The following TMEM178B variants were observed in gnomAD, a reference collection of about 807,000 sequenced individuals.
The protein encoded by TMEM178B is transmembrane protein 178B.
TMEM178B carries 5 observed loss-of-function variants against 31.0 expected under a neutral mutation model. The ratio of observed to expected loss-of-function variants is 0.16; its 90% CI spans 0.08 to 0.34. The LOEUF is 0.34. Ranked by LOEUF, TMEM178B falls within the 10% of genes least tolerant of loss-of-function variation. The pLI is 1.00. For synonymous variants in TMEM178B, 164 were observed against 164.0 expected, an observed-to-expected ratio of 1.00 and a Z score of 0.00; for missense variants, 275 against 400.3, an observed-to-expected ratio of 0.69 and a Z score of 2.67.
chr7:141,479,084 C>T lies in TMEM178B; in HGVS notation c.*8298C>T, dbSNP rs1450578833. The T allele has an allele frequency of 6.6e-6, 1 of 152,236 alleles. No homozygotes were observed. The highest frequency in any genetic ancestry group is 2.4e-5 in the African/African-American group (1 of 41,440). The allele number at this position is 152,236 out of a possible 1,614,324, so 9.4% of individuals were successfully genotyped here. On this transcript the variant is annotated 3_prime_UTR_variant, in exon 4 of 4. Transcript: ENST00000565468. ...CTGCCCCAGTCATGTCCCTTATGAC[C>T]TGTCCAAGTCCTAGAGGCCAAAGCA... is the stretch of plus-strand genomic sequence containing the variant.
At chr7:141,114,633 G>A (rs994706912) in intron 1 of TMEM178B, among the ~76,000 whole-genome samples, 16 of 152,208 alleles carry the variant, frequency 1.1e-4, no homozygotes, top group African/African-American at 3.6e-4. Flanking sequence ...TCTTTCCAAA[G>A]TCTCCATGGG....
intron 3 of TMEM178B, among the ~76,000 whole-genome samples, chr7:141,449,287 G>C (rs1205835647): frequency 1.3e-5 from 2 of 152,082 alleles, no homozygotes; most frequent in African/African-American, 4.8e-5. Flanking sequence ...GCTGTTCCCA[G>C]GAAACAAGAG....
chr7:141,375,322 T>C (rs1348935687), intron 2 of TMEM178B, among the ~76,000 whole-genome samples: 2 of 152,238 alleles, frequency 1.3e-5, no homozygotes, highest in Non-Finnish European at 2.9e-5. Context: ...GTCCCCATCA[T>C]TTCAGGGTCA....
intron 2 of TMEM178B, among the ~76,000 whole-genome samples, chr7:141,249,311 C>T (rs1472796163): frequency 6.6e-6 from 1 of 152,170 alleles, no homozygotes; most frequent in Non-Finnish European, 1.5e-5. Flanking sequence ...TTGCCTGCTG[C>T]CATGTAAGAT....
chr7:141,076,873 T>C (rs1794608509), intron 1 of TMEM178B, among the ~76,000 whole-genome samples: 1 of 152,218 alleles, frequency 6.6e-6, no homozygotes, highest in Non-Finnish European at 1.5e-5. Context: ...CCGCTTACCA[T>C]GGCTGTTTCT....
intron 1 of TMEM178B, among the ~76,000 whole-genome samples, chr7:141,116,655 A>G (rs776831395): frequency 6.6e-6 from 1 of 151,870 alleles, no homozygotes; most frequent in Non-Finnish European, 1.5e-5. Flanking sequence ...TCCTAATGCT[A>G]TCCCTCCCCT....
chr7:141,393,546 C>T (rs1432415613), intron 2 of TMEM178B, among the ~76,000 whole-genome samples: 1 of 152,154 alleles, frequency 6.6e-6, no homozygotes, highest in Admixed American at 6.5e-5. Flanking sequence ...TTCTGGACAC[C>T]ATGAGATCAG....
intron 3 of TMEM178B, among the ~76,000 whole-genome samples, chr7:141,464,557 T>G (rs895346408): frequency 1.3e-5 from 2 of 152,216 alleles, no homozygotes; most frequent in Non-Finnish European, 2.9e-5. Context: ...TATTTTAGAT[T>G]CATTAAAGAT....
rs751441083 is a variant in TMEM178B, at chr7:141,135,666, GA to G, written c.382+60980del. Among the ~76,000 whole-genome samples the G allele has an allele frequency of 5.0e-4, 76 of 151,984 alleles. 1 individual carries two copies. Among genetic ancestry groups the G allele is most frequent in the South Asian group, 2.1e-4 (1 of 4,822 alleles). ...GTGAAGATCTTAAGAAGGAAGTTAA[GA>G]AAAAATCTTGAAACAAATGAAAATT... On this transcript the variant is annotated intron_variant, in intron 1 of 3. Transcript: ENST00000565468.
chr7:141,171,613 C>T lies in TMEM178B; in HGVS notation c.383-40978C>T, dbSNP rs1397449450. Among the ~76,000 whole-genome samples the T allele has an allele frequency of 6.6e-6, 1 of 152,206 alleles. No individual in the cohort carries two copies. Among genetic ancestry groups the T allele is most frequent in the African/African-American group, 2.4e-5 (1 of 41,458 alleles). On this transcript the variant is annotated intron_variant, in intron 1 of 3. Transcript: ENST00000565468. This position sits in a 1 kb window ranked among gnomAD's most constrained non-coding sequence, Gnocchi z 4.3. ...CACCTTGCCAGGCCTCGGTCTCCCG[C>T]ATGACACTGTCTTCTGAGTGATGCA...
chr7:141,457,084 C>T (rs528423454), intron 3 of TMEM178B, among the ~76,000 whole-genome samples: 8 of 152,208 alleles, frequency 5.3e-5, no homozygotes, highest in East Asian at 1.9e-4. Flanking sequence ...TTTCATTTCA[C>T]GGGGAGCATG....
At chr7:141,335,533 A>G (rs1222056567) in intron 2 of TMEM178B, among the ~76,000 whole-genome samples, 2 of 152,186 alleles carry the variant, frequency 1.3e-5, no homozygotes, top group African/African-American at 4.8e-5. Flanking sequence ...CCAAGGCAAC[A>G]GCTGAGAGGA....
At chr7:141,407,781 A>G (rs889872722) in intron 2 of TMEM178B, among the ~76,000 whole-genome samples, 7 of 152,224 alleles carry the variant, frequency 4.6e-5, no homozygotes, top group African/African-American at 1.7e-4. Context: ...ATGTCTTTTT[A>G]TAGCATTTGT....
At chr7:141,187,140 G>A (rs1796623170) in intron 1 of TMEM178B, among the ~76,000 whole-genome samples, 1 of 126,846 alleles carries the variant, frequency 7.9e-6, no homozygotes, top group South Asian at 2.5e-4. Flanking sequence ...CCCTTCCTGT[G>A]TCCATGTGTT....
At position 141,215,777 on chromosome 7, in the gene TMEM178B, C is replaced by CCTTCCTTCCTTTCTTT. The variant is rs1479407874; in HGVS notation, c.496+3076_496+3077insCCTTCCTTTCTTTCTT. On this transcript the variant is annotated intron_variant, in intron 2 of 3. Transcript: ENST00000565468. ...TGGTTAAATTTGAATTATATACTTT[C>CCTTCCTTCCTTTCTTT]CTTTCTTTCTTTCTTTCTTTCTTTC... Among the ~76,000 whole-genome samples, 7 of 112,130 alleles carry CCTTCCTTCCTTTCTTT rather than the reference C, an allele frequency of 6.2e-5. No homozygotes were observed. In the East Asian group the frequency reaches 2.1e-3, roughly 34 times the overall value. 73.6% of individuals were successfully genotyped at this position (112,130 alleles called of 152,430 possible).
At chr7:141,211,486 G>T (rs983385911) in intron 1 of TMEM178B, among the ~76,000 whole-genome samples, 3 of 152,312 alleles carry the variant, frequency 2.0e-5, no homozygotes, top group Admixed American at 2.0e-4. Flanking sequence ...TTGAAAATCA[G>T]TGGGGTGCAA....
At chr7:141,342,148 A>G (rs572680668) in intron 2 of TMEM178B, among the ~76,000 whole-genome samples, 2 of 152,068 alleles carry the variant, frequency 1.3e-5, no homozygotes, top group Admixed American at 6.6e-5. Flanking sequence ...GGCTTTCCCC[A>G]TGTTGACCAG....
intron 2 of TMEM178B, among the ~76,000 whole-genome samples, chr7:141,269,651 A>ATTATGTGTTTCTCAT (rs1228309201): frequency 1.3e-5 from 2 of 152,148 alleles, no homozygotes; most frequent in Non-Finnish European, 2.9e-5. Context: ...CTCATTTATC[A>ATTATGTGTTTCTCAT]ACAGTATGAA....
chr7:141,396,543 G>A (rs1800643166), intron 2 of TMEM178B, among the ~76,000 whole-genome samples: 1 of 152,172 alleles, frequency 6.6e-6, no homozygotes, highest in East Asian at 1.9e-4. Flanking sequence ...GCCTCAGAAA[G>A]ATGAGGCGAC....
Sources: allele counts gnomAD v4.1 joint callset (sites outside exome capture counted in the v4.1 genomes callset), GRCh38; gene constraint gnomAD v4.1.1; non-coding constraint Gnocchi (gnomAD v3.1); transcripts MANE v1.5; gene names NCBI Gene and HGNC (gene_info 2026-07-23, HGNC 2026-07-21).